The following PLD5 variants were observed in gnomAD, a reference collection of about 807,000 sequenced individuals.
PLD5 encodes the protein inactive phospholipase D5.
Under a neutral mutation model 61.1 loss-of-function variants are expected in PLD5, and 36 were observed. The ratio of observed to expected loss-of-function variants is 0.59; its 90% CI spans 0.45 to 0.78. The LOEUF is 0.78. Ranked by LOEUF, PLD5 falls within the 30% of genes least tolerant of loss-of-function variation. The pLI, the probability that PLD5 is intolerant of heterozygous loss-of-function variation, is 0.00. For synonymous variants in PLD5, 243 were observed against 242.8 expected (o/e 1.00, Z -0.01); for missense variants, 515 against 644.4 (o/e 0.80, Z 2.17).
intron 9 of PLD5, among the ~76,000 whole-genome samples, chr1:242,096,885 C>A (rs12131855): frequency 0.2 from 30,519 of 151,202 alleles, 3,337 homozygotes; most frequent in South Asian, 0.28. Flanking sequence ...CTAACGCTAT[C>A]CCTCCTCCTT....
At chr1:242,359,877 A>T (rs1227902155) in intron 1 of PLD5, among the ~76,000 whole-genome samples, 1 of 152,210 alleles carries the variant, frequency 6.6e-6, no homozygotes, top group Admixed American at 6.5e-5. Context: ...ACCTGTATTT[A>T]CATGCCTCAT....
intron 1 of PLD5, among the ~76,000 whole-genome samples, chr1:242,475,610 T>C (rs1480759105): frequency 6.6e-6 from 1 of 152,040 alleles, no homozygotes; most frequent in Admixed American, 6.6e-5. Flanking sequence ...GCGAGGAGAC[T>C]CTAAACATAC....
At chr1:242,107,407 A>G (rs1387026647) in intron 8 of PLD5, among the ~76,000 whole-genome samples, 1 of 136,344 alleles carries the variant, frequency 7.3e-6, no homozygotes, top group Non-Finnish European at 1.6e-5. Flanking sequence ...GCAAAACCCT[A>G]TCTCAAGAAA....
chr1:242,190,781 A>G (rs1668224073), intron 5 of PLD5, among the ~76,000 whole-genome samples: 1 of 152,180 alleles, frequency 6.6e-6, no homozygotes, highest in Admixed American at 6.5e-5. Context: ...GGCTATGTCT[A>G]TTGTTACAGA....
chr1:242,193,159 C>T (rs1032615037), intron 5 of PLD5, among the ~76,000 whole-genome samples: 1 of 152,046 alleles, frequency 6.6e-6, no homozygotes, highest in African/African-American at 2.4e-5. Context: ...CTGACTCTCC[C>T]TTAATACTGT....
chr1:242,264,211 G>A (rs71498866), intron 4 of PLD5, among the ~76,000 whole-genome samples: 9 of 152,204 alleles, frequency 5.9e-5, no homozygotes, highest in South Asian at 2.1e-4. Flanking sequence ...TCTAAGCCAC[G>A]TTGATTGTAT....
intron 2 of PLD5, among the ~76,000 whole-genome samples, chr1:242,315,167 G>A (rs569873457): frequency 9.9e-5 from 15 of 152,266 alleles, no homozygotes; most frequent in South Asian, 4.1e-4. Flanking sequence ...GGGAATTTAT[G>A]CTGTCATGGC....
At chr1:242,395,512 A>T (rs747537147) in intron 1 of PLD5, among the ~76,000 whole-genome samples, 1 of 152,232 alleles carries the variant, frequency 6.6e-6, no homozygotes, top group Non-Finnish European at 1.5e-5. Context: ...CCAAGAATCA[A>T]CAAAGATATG....
At position 242,404,868 on chromosome 1, in the gene PLD5, C is replaced by G. The variant is rs917156555; in HGVS notation, c.190-56626G>C. Among the ~76,000 whole-genome samples, 6 of 97,460 alleles carry G rather than the reference C, an allele frequency of 6.2e-5. No individual in the cohort carries two copies. The Admixed American group carries it at 6.2e-4, about 10-fold the overall frequency. 63.9% of individuals were successfully genotyped at this position (97,460 alleles called of 152,430 possible). A position where few individuals can be genotyped will look rare whatever the true frequency, so the allele number is the denominator to read the frequency against. ...GTGGATCCATGCCTCTTATCTGTTCCCTGCTAATTTTTTTTTTTTTTTTTT... is the reference window on the plus strand; with the variant it reads ...GTGGATCCATGCCTCTTATCTGTTCGCTGCTAATTTTTTTTTTTTTTTTTT... On this transcript the variant is annotated intron_variant, in intron 1 of 9. Transcript: ENST00000536534.
At chr1:242,387,482 G>A (rs1353937303) in intron 1 of PLD5, among the ~76,000 whole-genome samples, 2 of 152,266 alleles carry the variant, frequency 1.3e-5, no homozygotes, top group African/African-American at 2.4e-5. Flanking sequence ...AGGGCGGAGG[G>A]TAGGGTGGAA....
chr1:242,394,206 GTATATGAGTATATATATGTGTATA>G lies in PLD5; in HGVS notation c.190-45988_190-45965del, dbSNP rs1346814261. On this transcript the variant is annotated intron_variant, in intron 1 of 9. Coordinates refer to ENST00000536534, the MANE Select transcript of PLD5 (RefSeq NM_001372062.1). ...TGAGTATATATGAGTATATATATGT[GTATATGAGTATATATATGTGTATA>G]TATATGAGTATATATATGTGTATAT... Among the ~76,000 whole-genome samples the G allele has an allele frequency of 6.4e-4, 24 of 37,338 alleles. 5 individuals are homozygous for G. The highest frequency in any genetic ancestry group is 6.0e-3 in the East Asian group (9 of 1,502). 24.5% of individuals were successfully genotyped at this position (37,338 alleles called of 152,430 possible). A position where few individuals can be genotyped will look rare whatever the true frequency, so the allele number is the denominator to read the frequency against.
chr1:242,089,710 G>T lies in PLD5; in HGVS notation c.*144C>A. 1 of 997,594 alleles carries T rather than the reference G, an allele frequency of 1.0e-6. No homozygotes were observed. Among genetic ancestry groups the T allele is most frequent in the Non-Finnish European group, 1.5e-6 (1 of 670,148 alleles). The allele number at this position is 997,594 out of a possible 1,614,324, so 61.8% of individuals were successfully genotyped here. ...CACGACGCTAAGATATTGTTAGATAGGTATTATGTGTTGTTCAGAGAATAT... is the reference window on the plus strand; with the variant it reads ...CACGACGCTAAGATATTGTTAGATATGTATTATGTGTTGTTCAGAGAATAT... On this transcript the variant is annotated 3_prime_UTR_variant, in exon 10 of 10. Coordinates refer to ENST00000536534, the MANE Select transcript of PLD5 (RefSeq NM_001372062.1).
At chr1:242,373,821 G>A (rs1012426032) in intron 1 of PLD5, among the ~76,000 whole-genome samples, 2 of 151,646 alleles carry the variant, frequency 1.3e-5, no homozygotes, top group Non-Finnish European at 2.9e-5. Flanking sequence ...GAGGTGAGAG[G>A]GATAGCATTA....
At chr1:242,190,752 G>GA (rs1208511625) in intron 5 of PLD5, among the ~76,000 whole-genome samples, 6 of 151,666 alleles carry the variant, frequency 4.0e-5, no homozygotes, top group Admixed American at 3.9e-4. Flanking sequence ...AAAAAAAATA[G>GA]AAAAATCCCA....
intron 2 of PLD5, among the ~76,000 whole-genome samples, chr1:242,314,574 GACTA>G (rs1676894393): frequency 6.6e-6 from 1 of 152,136 alleles, no homozygotes; most frequent in Non-Finnish European, 1.5e-5. Flanking sequence ...TTCCATGGCA[GACTA>G]ACTCTCTTCC....
intron 1 of PLD5, among the ~76,000 whole-genome samples, chr1:242,419,386 GT>G (rs58320205): frequency 0.056 from 5,373 of 96,502 alleles, 355 homozygotes; most frequent in African/African-American, 0.2. Context: ...CCTGATTTTT[GT>G]TTTTTTTTTT....
At chr1:242,157,468 T>C (rs1226137507) in intron 5 of PLD5, among the ~76,000 whole-genome samples, 1 of 152,244 alleles carries the variant, frequency 6.6e-6, no homozygotes, top group Non-Finnish European at 1.5e-5. Flanking sequence ...CTTTTTGGAC[T>C]GGTTTCTTCC....
At chr1:242,175,698 T>C (rs1403722096) in intron 5 of PLD5, among the ~76,000 whole-genome samples, 2 of 152,130 alleles carry the variant, frequency 1.3e-5, no homozygotes, top group Non-Finnish European at 2.9e-5. Context: ...ATTTAGAAAA[T>C]ACCACTGTCT....
intron 1 of PLD5, among the ~76,000 whole-genome samples, chr1:242,427,747 A>G (rs1220360409): frequency 6.6e-6 from 1 of 152,216 alleles, no homozygotes; most frequent in African/African-American, 2.4e-5. Flanking sequence ...GCACCAACAG[A>G]CAGCAGAGAG....
Sources: allele counts gnomAD v4.1 joint callset (sites outside exome capture counted in the v4.1 genomes callset), GRCh38; gene constraint gnomAD v4.1.1; transcripts MANE v1.5; gene names NCBI Gene and HGNC (gene_info 2026-07-23, HGNC 2026-07-21).